MAGI1: variants seen among roughly 807,000 people sequenced by gnomAD.
The protein encoded by MAGI1 is membrane-associated guanylate kinase, WW and PDZ domain-containing protein 1.
A neutral mutation model predicts 139.9 loss-of-function variants in MAGI1; 58 were observed. The ratio of observed to expected loss-of-function variants is 0.41; its 90% CI spans 0.34 to 0.52. The LOEUF (loss-of-function observed/expected upper bound fraction) is 0.52, where lower values mean the gene tolerates loss of function less well. Ranked by LOEUF, MAGI1 falls within the 20% of genes least tolerant of loss-of-function variation. The pLI, the probability that MAGI1 is intolerant of heterozygous loss-of-function variation, is 0.12. For missense variants in MAGI1, 1,874 were observed against 1,901.6 expected, an observed-to-expected ratio of 0.99 and a Z score of 0.27; for synonymous variants, 812 against 737.9, an observed-to-expected ratio of 1.10 and a Z score of -1.63.
intron 3 of MAGI1, among the ~76,000 whole-genome samples, chr3:65,484,906 A>G (rs1037818048): frequency 2.0e-5 from 3 of 152,192 alleles, no homozygotes; most frequent in African/African-American, 7.2e-5. Context: ...TTAATTAATC[A>G]GTACCTGTCT....
At chr3:65,358,579 T>C (rs1464158909) in intron 22 of MAGI1, among the ~76,000 whole-genome samples, 1 of 152,156 alleles carries the variant, frequency 6.6e-6, no homozygotes, top group East Asian at 1.9e-4. Flanking sequence ...GCTCTGCCAC[T>C]GTGGTATAAA....
intron 1 of MAGI1, among the ~76,000 whole-genome samples, chr3:65,956,210 G>C (rs916426296): frequency 1.3e-5 from 2 of 152,164 alleles, no homozygotes; most frequent in African/African-American, 4.8e-5. Context: ...GCATCTTCCT[G>C]TGACTCACTG....
chr3:65,485,706 G>A (rs1254508276), intron 3 of MAGI1, among the ~76,000 whole-genome samples: 1 of 152,076 alleles, frequency 6.6e-6, no homozygotes, highest in South Asian at 2.1e-4. Context: ...GTGTCACTAC[G>A]CATATATTCA....
At chr3:65,567,680 A>G (rs979402357) in intron 2 of MAGI1, among the ~76,000 whole-genome samples, 22 of 152,046 alleles carry the variant, frequency 1.4e-4, no homozygotes, top group Non-Finnish European at 3.1e-4. Context: ...TACTAAAAAT[A>G]CAAAAATTAG....
At chr3:65,536,113 T>C (rs550470126) in intron 2 of MAGI1, among the ~76,000 whole-genome samples, 1 of 152,342 alleles carries the variant, frequency 6.6e-6, no homozygotes, top group African/African-American at 2.4e-5. Context: ...TTATACGTTT[T>C]CCCCTGAACT....
In MAGI1 at chr3:66,038,335, A is replaced by G. The variant is rs756617602; in HGVS notation, c.-27T>C. The G allele has an allele frequency of 1.3e-6, 2 of 1,519,762 alleles. No homozygotes were observed. Among genetic ancestry groups the G allele is most frequent in the East Asian group, 2.3e-5 (1 of 43,682 alleles). The allele number at this position is 1,519,762 out of a possible 1,614,324, so 94.1% of individuals were successfully genotyped here. On this transcript the variant is annotated 5_prime_UTR_variant, in exon 1 of 23. Coordinates refer to ENST00000402939, the MANE Select transcript of MAGI1 (RefSeq NM_001033057.2). ...ATGAGTTACACCCCTCCTCCAAAAA[A>G]ATAAAACGAGAGACAGGTGCCCCCC...
At chr3:65,540,704 G>A (rs188712160) in intron 2 of MAGI1, among the ~76,000 whole-genome samples, 5 of 152,314 alleles carry the variant, frequency 3.3e-5, no homozygotes, top group Non-Finnish European at 7.3e-5. Flanking sequence ...ATTCATCAGA[G>A]TATGCCCTTA....
rs368873396 is a variant in MAGI1, at chr3:65,464,115, A to C, written c.959+6168T>G. Among the ~76,000 whole-genome samples the C allele has an allele frequency of 5.9e-5, 9 of 152,202 alleles. No homozygotes were observed. The South Asian group carries it at 1.9e-3, about 32-fold the overall frequency. Reference sequence around the variant, plus strand: ...ACTCCTTACTTAATTCCTAATATTGACAATTTGGTCTGCTCTCATTTTTTT... The same window carrying C: ...ACTCCTTACTTAATTCCTAATATTGCCAATTTGGTCTGCTCTCATTTTTTT... On this transcript the variant is annotated intron_variant, in intron 5 of 22. Coordinates refer to ENST00000402939, the MANE Select transcript of MAGI1 (RefSeq NM_001033057.2).
At chr3:65,792,329 G>T (rs1226899124) in intron 1 of MAGI1, among the ~76,000 whole-genome samples, 1 of 152,020 alleles carries the variant, frequency 6.6e-6, no homozygotes, top group African/African-American at 2.4e-5. Context: ...GCCGGGTGTG[G>T]TGGTACACAC....
chr3:65,869,371 TTGTTG>T (rs74350563), intron 1 of MAGI1, among the ~76,000 whole-genome samples: 7 of 37,398 alleles, frequency 1.9e-4, no homozygotes, highest in South Asian at 1.0e-3. Context: ...TGGTTTTTTG[TTGTTG>T]TTGTTGTTGT....
At chr3:65,361,020 C>A in intron 22 of MAGI1, 179 bp downstream of exon 22, 1 of 1,478,576 alleles carries the variant, frequency 6.8e-7, no homozygotes, top group Non-Finnish European at 9.0e-7. Flanking sequence ...CGTAAGCAAG[C>A]AAAAGGATGA....
intron 4 of MAGI1, among the ~76,000 whole-genome samples, chr3:65,478,258 CA>C (rs889108732): frequency 6.6e-5 from 10 of 151,566 alleles, no homozygotes; most frequent in Admixed American, 2.6e-4. Flanking sequence ...TTACCCCCCC[CA>C]AAAAAAATCA....
chr3:65,545,109 A>G (rs558842257), intron 2 of MAGI1, among the ~76,000 whole-genome samples: 32 of 152,348 alleles, frequency 2.1e-4, no homozygotes, highest in Admixed American at 6.5e-4. Context: ...AAATGGACAC[A>G]TATGAAAACT....
In MAGI1 at chr3:65,391,268, T is replaced by A. The variant is rs61740330; in HGVS notation, c.2290A>T (p.Thr764Ser). The change falls in exon 14 of 23, where the codon ACA (threonine) becomes TCA (serine). Residue 764 changes from threonine to serine, a missense_variant. By Grantham distance (58) the Thr-to-Ser change is moderately conservative (BLOSUM62 1). Around this residue, in one of 5 missense-constraint regions of MAGI1, gnomAD observed 482 missense variants for 509.6 expected, o/e 0.95. Coordinates refer to ENST00000402939, the MANE Select transcript of MAGI1 (RefSeq NM_001033057.2). ...GGTGGGAACTCGGGGAGCACCTGTGTGCTGTGGCTTGGGGATGCTGTGTGC... is the reference window on the plus strand; with the variant it reads ...GGTGGGAACTCGGGGAGCACCTGTGAGCTGTGGCTTGGGGATGCTGTGTGC... ...SLHTASPSHSTQVLPEFPPAE... is the reference protein window; with the variant it reads ...SLHTASPSHSSQVLPEFPPAE... 6.2e-7 allele frequency: 1 copy of A among 1,614,166 alleles called. No individual in the cohort carries two copies. The highest frequency in any genetic ancestry group is 1.7e-5 in the Admixed American group (1 of 60,012).
At chr3:65,731,550 G>A (rs1012730559) in intron 1 of MAGI1, among the ~76,000 whole-genome samples, 2 of 151,626 alleles carry the variant, frequency 1.3e-5, no homozygotes, top group Non-Finnish European at 2.9e-5. Flanking sequence ...AGCTACTGGG[G>A]CGGCTGAGGT....
chr3:65,878,035 G>T (rs556377579), intron 1 of MAGI1, among the ~76,000 whole-genome samples: 5 of 151,990 alleles, frequency 3.3e-5, no homozygotes, highest in Middle Eastern at 3.4e-3. Flanking sequence ...CACCTGTGCC[G>T]AGGAGTTGGA....
chr3:65,704,281 C>A (rs1442888030), intron 1 of MAGI1, among the ~76,000 whole-genome samples: 1 of 152,186 alleles, frequency 6.6e-6, no homozygotes, highest in East Asian at 1.9e-4. Context: ...ACCTCATTTG[C>A]AGTTTGTTTC....
rs565962993 is a variant in MAGI1, at chr3:65,938,459, T to C, written c.313+99537A>G. 2.4e-3 allele frequency among the ~76,000 whole-genome samples: 360 copies of C among 151,816 alleles called. 2 individuals carry two copies. The highest frequency in any genetic ancestry group is 4.3e-3 in the Non-Finnish European group (295 of 67,952). The stretch of plus-strand genomic sequence containing the variant: ...TCTGTTCAAGGTGATTCGAGTACTA[T>C]TAATATTTGCAGGCTGGAGATGGAC... On this transcript the variant is annotated intron_variant, in intron 1 of 22. Coordinates refer to ENST00000402939, the MANE Select transcript of MAGI1 (RefSeq NM_001033057.2).
At chr3:65,413,137 G>A (rs1216069234) in intron 12 of MAGI1, among the ~76,000 whole-genome samples, 3 of 152,136 alleles carry the variant, frequency 2.0e-5, no homozygotes, top group Admixed American at 2.0e-4. Context: ...CTCTTGAGCA[G>A]TTTCAACAGA....
Sources: allele counts gnomAD v4.1 joint callset (sites outside exome capture counted in the v4.1 genomes callset), GRCh38; gene constraint gnomAD v4.1.1; regional missense constraint gnomAD v4.1.1; transcripts MANE v1.5; gene names NCBI Gene and HGNC (gene_info 2026-07-23, HGNC 2026-07-21).